XRCC5: variants seen among roughly 807,000 people sequenced by gnomAD.
XRCC5 encodes the protein X-ray repair cross complementing 5.
A neutral mutation model predicts 95.7 loss-of-function variants in XRCC5; 12 were observed. That is an observed-to-expected ratio of 0.13 (90% CI 0.08 to 0.20). XRCC5 has a LOEUF of 0.20. Ranked by LOEUF, XRCC5 falls within the 10% of genes least tolerant of loss-of-function variation. The pLI, the probability that XRCC5 is intolerant of heterozygous loss-of-function variation, is 1.00. For synonymous variants in XRCC5, 281 were observed against 290.3 expected (o/e 0.97, Z 0.33); for missense variants, 595 against 873.9 (o/e 0.68, Z 4.02).
chr2:216,159,034 A>G (rs1380140758), intron 14 of XRCC5, among the ~76,000 whole-genome samples: 1 of 152,252 alleles, frequency 6.6e-6, no homozygotes, highest in African/African-American at 2.4e-5. Context: ...AAATAAGTAA[A>G]TGAAATAATG....
chr2:216,181,727 G>A (rs367984780), intron 16 of XRCC5, among the ~76,000 whole-genome samples: 60 of 152,180 alleles, frequency 3.9e-4, no homozygotes, highest in African/African-American at 1.3e-3. Flanking sequence ...TTTTCATTGC[G>A]ACTTTAATAA....
chr2:216,151,666 T>G (rs1002910495), intron 14 of XRCC5, among the ~76,000 whole-genome samples: 1 of 152,208 alleles, frequency 6.6e-6, no homozygotes, highest in Non-Finnish European at 1.5e-5. Context: ...GAGCAGTGTA[T>G]GCTGTTCACT....
At chr2:216,119,644 A>C (rs1380126414) in intron 5 of XRCC5, among the ~76,000 whole-genome samples, 1 of 152,164 alleles carries the variant, frequency 6.6e-6, no homozygotes, top group Non-Finnish European at 1.5e-5. Context: ...TTTATGTTTA[A>C]CTCTTTTCAG....
intron 14 of XRCC5, among the ~76,000 whole-genome samples, chr2:216,153,632 C>T (rs1219725122): frequency 1.3e-5 from 2 of 152,144 alleles, no homozygotes; most frequent in African/African-American, 2.4e-5. Context: ...CTGTTGACCC[C>T]CAACTTAAAG....
chr2:216,198,718 A>G (rs541737076), intron 19 of XRCC5, among the ~76,000 whole-genome samples: 5 of 151,868 alleles, frequency 3.3e-5, no homozygotes, highest in African/African-American at 4.8e-5. Context: ...CCACCCAGCT[A>G]ATTTTTGTAT....
chr2:216,111,083 A>T (rs1057428846), intron 1 of XRCC5, among the ~76,000 whole-genome samples: 1 of 152,230 alleles, frequency 6.6e-6, no homozygotes. Flanking sequence ...GAGATCACTT[A>T]AAAAAGAGTA....
chr2:216,124,534 C>T (rs757505212), intron 6 of XRCC5, among the ~76,000 whole-genome samples: 7 of 152,118 alleles, frequency 4.6e-5, no homozygotes, highest in Admixed American at 3.9e-4. Flanking sequence ...GTATGAGACA[C>T]GTTAGACCTG....
chr2:216,131,936 C>G (rs1352484083), intron 9 of XRCC5, among the ~76,000 whole-genome samples: 1 of 152,200 alleles, frequency 6.6e-6, no homozygotes, highest in Non-Finnish European at 1.5e-5. Context: ...CCTTTTAAGT[C>G]TCGACTTAGG....
chr2:216,187,466 C>CTGTGTGTGTGTGTG (rs140171958), intron 16 of XRCC5, among the ~76,000 whole-genome samples: 20 of 111,380 alleles, frequency 1.8e-4, no homozygotes, highest in East Asian at 7.0e-4. Context: ...AAGATAGCAA[C>CTGTGTGTGTGTGTG]TGTGTGTGTG....
intron 16 of XRCC5, among the ~76,000 whole-genome samples, chr2:216,164,966 G>A (rs574457928): frequency 6.6e-6 from 1 of 152,210 alleles, no homozygotes; most frequent in Admixed American, 6.5e-5. Flanking sequence ...CCTGGCCATG[G>A]GATTGGGGAT....
At chr2:216,114,866 A>T (rs920517540) in intron 2 of XRCC5, among the ~76,000 whole-genome samples, 1 of 152,226 alleles carries the variant, frequency 6.6e-6, no homozygotes, top group African/African-American at 2.4e-5. Flanking sequence ...GAGCATGCGC[A>T]TGACTAGTAA....
chr2:216,113,775 T>G (rs1342824900), intron 2 of XRCC5, among the ~76,000 whole-genome samples: 1 of 152,226 alleles, frequency 6.6e-6, no homozygotes. Context: ...AATCTCTACA[T>G]GTGGTTTCTG....
At chr2:216,109,988 C>T (rs1347892477) in intron 1 of XRCC5, among the ~76,000 whole-genome samples, 2 of 152,192 alleles carry the variant, frequency 1.3e-5, no homozygotes, top group African/African-American at 4.8e-5. Flanking sequence ...TTATTGAAAG[C>T]CCACTCTGTG....
chr2:216,111,466 G>A (rs1696589979), intron 1 of XRCC5: 3 of 438,728 alleles, frequency 6.8e-6, no homozygotes, highest in African/African-American at 4.1e-5. Context: ...GGAGGCAGTA[G>A]TGAGCCATGA....
intron 13 of XRCC5, among the ~76,000 whole-genome samples, chr2:216,143,808 A>G (rs1395622200): frequency 1.3e-5 from 2 of 151,074 alleles, no homozygotes; most frequent in Non-Finnish European, 2.9e-5. Context: ...CCTGGTTCAC[A>G]CCATTCTCCT....
intron 10 of XRCC5, among the ~76,000 whole-genome samples, chr2:216,133,229 A>G (rs1422847062): frequency 6.6e-6 from 1 of 152,272 alleles, no homozygotes; most frequent in Non-Finnish European, 1.5e-5. Flanking sequence ...ATTAGCATAC[A>G]TGAATCTTCA....
chr2:216,120,849 TCTCAGC>T (rs1349601633), intron 5 of XRCC5, among the ~76,000 whole-genome samples: 2 of 152,154 alleles, frequency 1.3e-5, no homozygotes, highest in African/African-American at 4.8e-5. Context: ...AGTTCTCCTA[TCTCAGC>T]CTCCCTAGTA....
At chr2:216,127,732 A>G in intron 8 of XRCC5, 58 bp downstream of exon 8, 2 of 1,508,714 alleles carry the variant, frequency 1.3e-6, no homozygotes, top group Non-Finnish European at 1.8e-6. Flanking sequence ...ACATGATGTG[A>G]TGCAGGCTGG....
intron 14 of XRCC5, among the ~76,000 whole-genome samples, chr2:216,158,763 A>G (rs1258454256): frequency 6.6e-6 from 1 of 152,222 alleles, no homozygotes; most frequent in Non-Finnish European, 1.5e-5. Context: ...ATTTTAATTC[A>G]TGGATGTATG....
Sources: allele counts gnomAD v4.1 joint callset (sites outside exome capture counted in the v4.1 genomes callset), GRCh38; gene constraint gnomAD v4.1.1; transcripts MANE v1.5; gene names NCBI Gene and HGNC (gene_info 2026-07-23, HGNC 2026-07-21).